The following CCDC192 variants were observed in gnomAD, a reference collection of about 807,000 sequenced individuals.
CCDC192 encodes the protein coiled-coil domain-containing protein 192.
At chr5:127,830,098 T>A (rs1749716039) in intron 5 of CCDC192, among the ~76,000 whole-genome samples, 1 of 152,004 alleles carries the variant, frequency 6.6e-6, no homozygotes, top group African/African-American at 2.4e-5. Flanking sequence ...ATACACCTTA[T>A]ATAGCAAAGG....
rs1166004775 is a variant in CCDC192 at position 127,755,725 on chromosome 5, A to C, written c.222+1350A>C. On this transcript the variant is annotated intron_variant, in intron 3 of 6. Transcript: ENST00000514853. ...AATTTCAGAGTCTCCAAATTGGGAAAGATTTTTCAATGGATAACTAAAAAA... is the reference window on the plus strand; with the variant it reads ...AATTTCAGAGTCTCCAAATTGGGAACGATTTTTCAATGGATAACTAAAAAA... Among the ~76,000 whole-genome samples the C allele has an allele frequency of 2.0e-5, 3 of 151,740 alleles. No homozygotes were observed. The East Asian group carries it at 5.8e-4, about 29-fold the overall frequency.
In CCDC192 at chr5:127,767,981, T is replaced by C. The variant is rs115811110; in HGVS notation, c.222+13606T>C. On this transcript the variant is annotated intron_variant, in intron 3 of 6. Coordinates refer to ENST00000514853, the MANE Select transcript of CCDC192 (RefSeq NM_001317938.2). Reference sequence around the variant, plus strand: ...TAGTAAAGATAAGGTCGGCAGGGTGTGGTGGCTCACTCCTGTAATCCCAGC... The same window carrying C: ...TAGTAAAGATAAGGTCGGCAGGGTGCGGTGGCTCACTCCTGTAATCCCAGC... Among the ~76,000 whole-genome samples, 1,069 of 152,208 alleles carry C rather than the reference T, an allele frequency of 7.0e-3. 15 individuals carry two copies. Among genetic ancestry groups the C allele is most frequent in the African/African-American group, 0.024 (1,010 of 41,542 alleles).
chr5:127,766,549 A>G (rs932720623), intron 3 of CCDC192, among the ~76,000 whole-genome samples: 7 of 148,350 alleles, frequency 4.7e-5, no homozygotes, highest in African/African-American at 1.7e-4. Context: ...ACCCCATCCA[A>G]GATGTCTACT....
intron 6 of CCDC192, among the ~76,000 whole-genome samples, chr5:127,909,175 A>G (rs1753277712): frequency 6.6e-6 from 1 of 152,148 alleles, no homozygotes. Context: ...CCTGGGCGAG[A>G]GCAGTGGACA....
intron 6 of CCDC192, among the ~76,000 whole-genome samples, chr5:127,894,518 A>G (rs1355031278): frequency 1.3e-5 from 2 of 152,154 alleles, no homozygotes; most frequent in Non-Finnish European, 2.9e-5. Flanking sequence ...ACTCATTTAT[A>G]TAAATATAGT....
intron 5 of CCDC192, among the ~76,000 whole-genome samples, chr5:127,868,237 A>T (rs1376665729): frequency 6.6e-6 from 1 of 152,090 alleles, no homozygotes; most frequent in Admixed American, 6.5e-5. Flanking sequence ...GCAGATTCCC[A>T]TGACGTAGCC....
chr5:127,931,935 A>T (rs1228742020), intron 6 of CCDC192, among the ~76,000 whole-genome samples: 1 of 151,940 alleles, frequency 6.6e-6, no homozygotes, highest in Non-Finnish European at 1.5e-5. Flanking sequence ...GTGGATCACG[A>T]GGTCAGGAGA....
intron 3 of CCDC192, among the ~76,000 whole-genome samples, chr5:127,787,327 T>C (rs1756599600): frequency 6.6e-6 from 1 of 152,208 alleles, no homozygotes; most frequent in Non-Finnish European, 1.5e-5. Context: ...CTGCCCTGCC[T>C]GGAGTTGCAT....
At chr5:127,774,581 C>T (rs552473439) in intron 3 of CCDC192, among the ~76,000 whole-genome samples, 5 of 152,290 alleles carry the variant, frequency 3.3e-5, no homozygotes, top group South Asian at 4.1e-4. Context: ...GGGTTGATTT[C>T]GGAACTCTCA....
intron 5 of CCDC192, among the ~76,000 whole-genome samples, chr5:127,826,768 C>T (rs1232828696): frequency 6.6e-6 from 1 of 150,482 alleles, no homozygotes; most frequent in Non-Finnish European, 1.5e-5. Context: ...GCACATGTAC[C>T]CCCTCAAGCT....
chr5:127,807,166 C>T (rs1242759311), intron 5 of CCDC192, among the ~76,000 whole-genome samples: 1 of 152,108 alleles, frequency 6.6e-6, no homozygotes, highest in Admixed American at 6.6e-5. Flanking sequence ...AGTAAGTGTT[C>T]AATAAATCTA....
At chr5:127,801,617 A>T (rs1757511267) in intron 5 of CCDC192, among the ~76,000 whole-genome samples, 1 of 152,140 alleles carries the variant, frequency 6.6e-6, no homozygotes, top group Non-Finnish European at 1.5e-5. Flanking sequence ...TCTTCTCTTC[A>T]TTCAAATAAC....
chr5:127,738,926 G>A (rs1440071197), intron 2 of CCDC192, among the ~76,000 whole-genome samples: 1 of 151,734 alleles, frequency 6.6e-6, no homozygotes, highest in Non-Finnish European at 1.5e-5. Flanking sequence ...TCTTCCCTCA[G>A]CTCGTCAAAG....
At chr5:127,889,105 T>A (rs1752656211) in intron 6 of CCDC192, among the ~76,000 whole-genome samples, 1 of 152,236 alleles carries the variant, frequency 6.6e-6, no homozygotes, top group Non-Finnish European at 1.5e-5. Flanking sequence ...ATGCTAAGAA[T>A]TCACATCAGA....
At chr5:127,706,734 G>A (rs1373826668) in intron 1 of CCDC192, among the ~76,000 whole-genome samples, 1 of 151,924 alleles carries the variant, frequency 6.6e-6, no homozygotes, top group Non-Finnish European at 1.5e-5. Context: ...TTTTCAGTTG[G>A]GAGATGACAC....
intron 6 of CCDC192, among the ~76,000 whole-genome samples, chr5:127,919,047 C>G (rs1462213289): frequency 1.4e-5 from 2 of 143,992 alleles, no homozygotes. Flanking sequence ...GTGTATATAT[C>G]TGTGTGTGTA....
chr5:127,941,022 C>T, intron 6 of CCDC192, 160 bp from the exon 7 acceptor site: 2 of 395,382 alleles, frequency 5.1e-6, no homozygotes, highest in Non-Finnish European at 8.9e-6. Context: ...TTTCCTCTCA[C>T]TGGATCCAGA....
intron 5 of CCDC192, among the ~76,000 whole-genome samples, chr5:127,834,176 A>G (rs1474771885): frequency 6.6e-6 from 1 of 152,176 alleles, no homozygotes. Context: ...AGATGGCACT[A>G]GAGGAATCTA....
intron 6 of CCDC192, among the ~76,000 whole-genome samples, chr5:127,896,329 A>T (rs1276466620): frequency 6.6e-6 from 1 of 152,084 alleles, no homozygotes; most frequent in East Asian, 1.9e-4. Context: ...CACATTTTCA[A>T]TTCTCATCTT....
Sources: allele counts gnomAD v4.1 joint callset (sites outside exome capture counted in the v4.1 genomes callset), GRCh38; gene constraint gnomAD v4.1.1; transcripts MANE v1.5; gene names NCBI Gene and HGNC (gene_info 2026-07-23, HGNC 2026-07-21).